Variants in UNC13D observed in about 807,000 individuals in gnomAD.
UNC13D encodes unc-13 homolog D, also known as protein unc-13 homolog D.
In UNC13D, 115 loss-of-function variants were observed where a neutral mutation model predicts 151.7. That is an observed-to-expected ratio of 0.76 (90% CI 0.65 to 0.88). The LOEUF is 0.88. UNC13D is among the 40% of genes least tolerant of loss of function. The pLI, the probability that UNC13D is intolerant of heterozygous loss-of-function variation, is 0.00. For synonymous variants in UNC13D, 588 were observed against 612.2 expected, an observed-to-expected ratio of 0.96 and a Z score of 0.58; for missense variants, 1,369 against 1,438.7, an observed-to-expected ratio of 0.95 and a Z score of 0.78.
chr17:75,835,321 G>A (rs2064899598), intron 20 of UNC13D, 88 bp downstream of exon 20: 3 of 1,540,138 alleles, frequency 1.9e-6, no homozygotes, highest in Non-Finnish European at 1.8e-6. Context: ...GCGGGTTACT[G>A]GCTTTTACTA....
Position 75,840,121 on chromosome 17 carries a change from G to T in UNC13D, c.859-11C>A. On this transcript the variant is annotated splice_polypyrimidine_tract_variant and intron_variant, in intron 10 of 31. Coordinates refer to ENST00000207549, the MANE Select transcript of UNC13D (RefSeq NM_199242.3). The surrounding 1 kb of genome is among the most constrained non-coding windows in gnomAD (Gnocchi z 4.6). ...GGCCGAAGTGGCTCTCTGCAATGAGGCCTCTGTGAGCAGACAGGGCCTCAC... is the reference window on the plus strand; with the variant it reads ...GGCCGAAGTGGCTCTCTGCAATGAGTCCTCTGTGAGCAGACAGGGCCTCAC... The T allele has an allele frequency of 6.2e-7, 1 of 1,612,358 alleles. No individual in the cohort carries two copies. Among genetic ancestry groups the T allele is most frequent in the African/African-American group, 1.3e-5 (1 of 75,024 alleles).
Position 75,843,039 on chromosome 17 carries a change from G to A in UNC13D, c.296C>T (p.Thr99Ile). The change falls in exon 4 of 32, where the codon ACA becomes ATA. Residue 99 changes from threonine (T) to isoleucine (I), a missense_variant. Thr to Ile is a moderately conservative substitution (Grantham distance 89). Around this residue, in one of 3 missense-constraint regions of UNC13D, gnomAD observed 550 missense variants for 609.0 expected, o/e 0.90. Transcript: ENST00000207549. ...CTCAAGCTCCCTGACCCGCTGCAGT[G>A]TCTGCTGGTGCTCCTCGGGCTCCAC... ...FHVEPEEHQQ[T>I]LQRVRELEKP... The A allele has an allele frequency of 6.2e-7, 1 of 1,610,986 alleles. No individual in the cohort carries two copies. Among genetic ancestry groups the A allele is most frequent in the Non-Finnish European group, 8.5e-7 (1 of 1,179,626 alleles).
At position 75,843,177 on chromosome 17, in the gene UNC13D, C is replaced by G; in HGVS notation, c.243G>C (p.Leu81=). 1 of 1,612,274 alleles carries G rather than the reference C, an allele frequency of 6.2e-7. No individual in the cohort carries two copies. The highest frequency in any genetic ancestry group is 1.7e-5 in the Admixed American group (1 of 60,018). Residue 81 remains leucine (L), a synonymous_variant, in exon 3 of 32, where the codon CTG becomes CTC. Transcript: ENST00000207549. ...GGCTCACCTCCTGCAGGTATCGCAG[C>G]AGCTCAGAGGCCTCCGTCACATGGT... ...EPNHVTEASE[L]LRYLQEAFHV...
At position 75,839,949 on chromosome 17, in the gene UNC13D, G is replaced by T. The variant is rs747981022; in HGVS notation, c.952-7C>A. The T allele has an allele frequency of 6.2e-7, 1 of 1,613,720 alleles. No homozygotes were observed. The highest frequency in any genetic ancestry group is 1.1e-5 in the South Asian group (1 of 91,082). ...CCCAGGAGGTGCTTCCCGCCTGAGG[G>T]GAGCAGGTGGAGGAGTGTCAGGACC... On this transcript the variant is annotated splice_polypyrimidine_tract_variant and splice_region_variant and intron_variant, in intron 11 of 31. Transcript: ENST00000207549.
chr17:75,835,188 C>A, intron 20 of UNC13D, 125 bp from the exon 21 acceptor site: 2 of 1,502,674 alleles, frequency 1.3e-6, no homozygotes, highest in Non-Finnish European at 1.8e-6. Flanking sequence ...GAGACAAGCA[C>A]GGCTCCGCCC....
At chr17:75,842,163 C>T (rs2064953919) in intron 6 of UNC13D, among the ~76,000 whole-genome samples, 1 of 152,212 alleles carries the variant, frequency 6.6e-6, no homozygotes, top group Admixed American at 6.5e-5. Flanking sequence ...ATCCCTGCCT[C>T]CTTTCAGGTA....
At chr17:75,828,159 G>A in intron 31 of UNC13D, 73 bp from the exon 32 acceptor site, 4 of 1,534,718 alleles carry the variant, frequency 2.6e-6, no homozygotes, top group Non-Finnish European at 2.6e-6. Context: ...AGAAGAGTGT[G>A]TGGGGGGGTA....
intron 25 of UNC13D, 48 bp from the exon 26 acceptor site, chr17:75,831,396 CG>C (rs1567817256): frequency 6.4e-7 from 1 of 1,554,352 alleles, no homozygotes; most frequent in Non-Finnish European, 8.8e-7. Flanking sequence ...AGGGCGGTGG[CG>C]GAGGAGGAAG....
rs9903200 is a variant in UNC13D, at chr17:75,843,417, G to A, written c.153+67C>T. On this transcript the variant is annotated intron_variant, in intron 2 of 31. Coordinates refer to ENST00000207549, the MANE Select transcript of UNC13D (RefSeq NM_199242.3). The stretch of plus-strand genomic sequence containing the variant: ...CCGCAAGTTGCTTGCTGCCATCAGC[G>A]TCGGCCGGCAGGAGGACACACAGCC... The A allele has an allele frequency of 0.31, 488,171 of 1,577,648 alleles. 83,306 individuals are homozygous for A. Among genetic ancestry groups the A allele is most frequent in the African/African-American group, 0.72 (53,283 of 74,388 alleles).
At chr17:75,839,799 G>C in intron 12 of UNC13D, 40 bp downstream of exon 12, 1 of 1,603,580 alleles carries the variant, frequency 6.2e-7, no homozygotes, top group Non-Finnish European at 8.5e-7. Context: ...GGCGTGGGGG[G>C]CTGGTGGCTC....
In UNC13D at chr17:75,843,495, A is replaced by G; in HGVS notation, c.142T>C (p.Ser48Pro). Residue 48 changes from serine to proline, a missense_variant, in exon 2 of 32, where the codon TCC (serine) becomes CCC (proline). By Grantham distance (74) the Ser-to-Pro change is moderately conservative. Coordinates refer to ENST00000207549, the MANE Select transcript of UNC13D (RefSeq NM_199242.3). ...ACTCTGACTCTTACCTGCTCGGGGGAGAAGTGGTGGGATGGAGGCTGGATC... is the reference window on the plus strand; with the variant it reads ...ACTCTGACTCTTACCTGCTCGGGGGGGAAGTGGTGGGATGGAGGCTGGATC... ...PEIQPPSHHF[S>P]PEQRALLYED... 2.4e-5 allele frequency: 39 copies of G among 1,610,754 alleles called. No individual in the cohort carries two copies. The highest frequency in any genetic ancestry group is 3.2e-5 in the Non-Finnish European group (38 of 1,179,216).
At position 75,835,400 on chromosome 17, in the gene UNC13D, C is replaced by A; in HGVS notation, c.1848+9G>T. The A allele has an allele frequency of 6.2e-7, 1 of 1,610,728 alleles. No individual in the cohort carries two copies. The highest frequency in any genetic ancestry group is 8.5e-7 in the Non-Finnish European group (1 of 1,179,460). ...GGGGCCCCGCCCCCTGCCCTGGCCACGCCCCCACCTCATCCATCTGCACAG... is the reference window on the plus strand; with the variant it reads ...GGGGCCCCGCCCCCTGCCCTGGCCAAGCCCCCACCTCATCCATCTGCACAG... On this transcript the variant is annotated intron_variant, in intron 20 of 31. Transcript: ENST00000207549.
Position 75,834,324 on chromosome 17 carries a change from C to A in UNC13D, c.2298+1G>T. ...GGTGACTGTGCGGTCGGACAAGGTA[C>A]CTGCTCGGCCAGGGTGCGGACGCCA... On this transcript the variant is annotated splice_donor_variant, in intron 23 of 31. Transcript: ENST00000207549. LOFTEE classifies it high-confidence loss of function. 22 of 1,594,470 alleles carry A rather than the reference C, an allele frequency of 1.4e-5. No individual in the cohort carries two copies. Among genetic ancestry groups the A allele is most frequent in the Non-Finnish European group, 1.9e-5 (22 of 1,178,678 alleles).
rs544492943 is a variant in UNC13D, at chr17:75,832,821, C to G, written c.2447+145G>C. 1.4e-6 allele frequency: 1 copy of G among 722,470 alleles called. No individual in the cohort carries two copies. The highest frequency in any genetic ancestry group is 1.8e-5 in the African/African-American group (1 of 56,796). The allele number at this position is 722,470 out of a possible 1,614,324, so 44.8% of individuals were successfully genotyped here. ...ATGCTGAGGCCCAGGAAAGAGGGGCCGTGGGAGGAGAGGGGGAGGTGGCGA... is the reference window on the plus strand; with the variant it reads ...ATGCTGAGGCCCAGGAAAGAGGGGCGGTGGGAGGAGAGGGGGAGGTGGCGA... On this transcript the variant is annotated intron_variant, in intron 25 of 31. Transcript: ENST00000207549. The surrounding 1 kb of genome is among the most constrained non-coding windows in gnomAD (Gnocchi z 4.3).
In UNC13D at chr17:75,833,869, G is replaced by GC. The variant is rs573078416; in HGVS notation, c.2367+205dup. Among the ~76,000 whole-genome samples the GC allele has an allele frequency of 6.9e-4, 105 of 152,298 alleles. 1 individual carries two copies. Among genetic ancestry groups the GC allele is most frequent in the African/African-American group, 2.4e-3 (98 of 41,544 alleles). ...AAAGTCTAAGCCGTCCCCAACTGCA[G>GC]CCCCCTCATTGACTGTCAGTGCTGG... On this transcript the variant is annotated intron_variant, in intron 24 of 31. Coordinates refer to ENST00000207549, the MANE Select transcript of UNC13D (RefSeq NM_199242.3). This position sits in a 1 kb window ranked among gnomAD's most constrained non-coding sequence, Gnocchi z 4.0.
Position 75,836,384 on chromosome 17 carries a change from GCA to G in UNC13D, c.1342_1343del (p.Cys448ProfsTer12). On this transcript the variant is annotated frameshift_variant, in exon 15 of 32. Transcript: ENST00000207549. LOFTEE classifies it high-confidence loss of function. ...MCKMKAFGEL[C>X]PNTAPLPQLV... ...GCTGGGGCAATGGGGCGGTGTTGGG[GCA>G]CAGTTCTCCAAAGGCCTTCATCTTG... 5 of 1,613,822 alleles carry G rather than the reference GCA, an allele frequency of 3.1e-6. No individual in the cohort carries two copies. The highest frequency in any genetic ancestry group is 4.2e-6 in the Non-Finnish European group (5 of 1,180,036).
rs553209250 is a variant in UNC13D at position 75,836,882 on chromosome 17, C to T, written c.1092G>A (p.Leu364=). ...GCAGGAGGCAGCTGCTGGGGAACTC[C>T]AGGCTCTGGTAGAGGCGGCTGTAGG... is the stretch of plus-strand genomic sequence containing the variant. The part of the protein sequence containing the change: ...WLAYSRLYQS[L]EFPSSCLLHP... Residue 364 remains leucine (L), a synonymous_variant, in exon 13 of 32, where the codon CTG becomes CTA. Coordinates refer to ENST00000207549, the MANE Select transcript of UNC13D (RefSeq NM_199242.3). 3.7e-6 allele frequency: 6 copies of T among 1,613,714 alleles called. No individual in the cohort carries two copies. The African/African-American group carries it at 6.7e-5, about 18-fold the overall frequency.
In UNC13D at chr17:75,843,623, C is replaced by G. The variant is rs564265997; in HGVS notation, c.118-104G>C. ...CTGATCCAGGCCAAGGGTATGGGGG[C>G]CCCAGCACCCCGGCCTCCAGCCCCA... On this transcript the variant is annotated intron_variant, in intron 1 of 31. Coordinates refer to ENST00000207549, the MANE Select transcript of UNC13D (RefSeq NM_199242.3). The G allele has an allele frequency of 5.8e-6, 9 of 1,538,614 alleles. No individual in the cohort carries two copies. The South Asian group carries it at 9.5e-5, about 16-fold the overall frequency.
At chr17:75,828,125 G>C in intron 31 of UNC13D, 39 bp from the exon 32 acceptor site, 1 of 1,562,620 alleles carries the variant, frequency 6.4e-7, no homozygotes, top group Non-Finnish European at 8.7e-7. Flanking sequence ...TGCCAGGGGA[G>C]AGGGCAGTGC....
Sources: gnomAD v4.1 joint callset for allele counts (sites outside exome capture counted in the v4.1 genomes callset) on GRCh38, gnomAD v4.1.1 for gene constraint, gnomAD v4.1.1 regional missense constraint, Gnocchi (gnomAD v3.1) non-coding constraint, MANE v1.5 for transcripts, NCBI Gene and HGNC (gene_info 2026-07-23, HGNC 2026-07-21) for gene names.